The following ATL3 variants were observed in gnomAD, a reference collection of about 807,000 sequenced individuals.
ATL3 encodes atlastin GTPase 3, also known as atlastin-3.
ATL3 carries 49 observed loss-of-function variants against 69.5 expected under a neutral mutation model. The ratio of observed to expected loss-of-function variants is 0.71; its 90% CI spans 0.56 to 0.89. The LOEUF (loss-of-function observed/expected upper bound fraction) is 0.89. ATL3 is among the 40% of genes least tolerant of loss of function. The pLI is 0.00. For missense variants in ATL3, 606 were observed against 645.7 expected, an observed-to-expected ratio of 0.94 and a Z score of 0.67; for synonymous variants, 214 against 224.1, an observed-to-expected ratio of 0.95 and a Z score of 0.40.
At chr11:63,642,178 C>T (rs993731251) in intron 8 of ATL3, among the ~76,000 whole-genome samples, 3 of 152,164 alleles carry the variant, frequency 2.0e-5, no homozygotes, top group African/African-American at 7.2e-5. Context: ...GCTTGCCAAG[C>T]GGATTTCTCT....
intron 8 of ATL3, among the ~76,000 whole-genome samples, chr11:63,640,665 C>T (rs1038006282): frequency 1.5e-5 from 2 of 131,532 alleles, no homozygotes; most frequent in Non-Finnish European, 3.0e-5. Context: ...AGTGCAATGG[C>T]GCAATCTCGG....
intron 10 of ATL3, 128 bp downstream of exon 10, chr11:63,635,406 A>T: frequency 1.3e-6 from 1 of 797,524 alleles, no homozygotes; most frequent in African/African-American, 1.7e-5. Context: ...CTAAAAAAAA[A>T]TTAACAGACC....
intron 3 of ATL3, among the ~76,000 whole-genome samples, chr11:63,657,857 CTTT>C (rs1174775895): frequency 4.4e-5 from 6 of 136,502 alleles, no homozygotes; most frequent in African/African-American, 1.3e-4. Context: ...ATGCCATTGG[CTTT>C]TTTTTTTTTT....
chr11:63,657,610 C>T (rs1414978952), intron 3 of ATL3, among the ~76,000 whole-genome samples: 1 of 152,204 alleles, frequency 6.6e-6, no homozygotes, highest in Non-Finnish European at 1.5e-5. Flanking sequence ...ATGACAGCTG[C>T]TTTCTGTTAG....
chr11:63,637,230 C>T (rs775919438), intron 8 of ATL3, among the ~76,000 whole-genome samples: 19 of 151,126 alleles, frequency 1.3e-4, no homozygotes, highest in Non-Finnish European at 2.4e-4. Context: ...GAGCCGAGAT[C>T]GCACCACTGC....
At chr11:63,656,689 G>A (rs1279346184) in intron 3 of ATL3, among the ~76,000 whole-genome samples, 3 of 146,746 alleles carry the variant, frequency 2.0e-5, no homozygotes, top group East Asian at 4.1e-4. Context: ...AGCCGAGATC[G>A]CACCACTGCA....
chr11:63,671,580 C>A (rs2134556755), upstream of ATL3: 1 of 1,422,168 alleles, frequency 7.0e-7, no homozygotes, highest in Non-Finnish European at 9.2e-7. Flanking sequence ...GGAAAGCGCA[C>A]GCGGCAGAAT....
At position 63,629,224 on chromosome 11, in the gene ATL3, C is replaced by A; in HGVS notation, c.*95G>T. The A allele has an allele frequency of 1.0e-6, 1 of 959,758 alleles. No individual in the cohort carries two copies. Among genetic ancestry groups the A allele is most frequent in the East Asian group, 2.4e-5 (1 of 40,974 alleles). The allele number at this position is 959,758 out of a possible 1,614,324, so 59.5% of individuals were successfully genotyped here. ...TAGCTCTTCCTGGATCGTCTCAGAT[C>A]TGCCATTCCTCTGGATATGAACCTG... On this transcript the variant is annotated 3_prime_UTR_variant, in exon 13 of 13. Coordinates refer to ENST00000398868, the MANE Select transcript of ATL3 (RefSeq NM_015459.5).
At chr11:63,671,182 C>A in intron 1 of ATL3, 108 bp downstream of exon 1, 3 of 1,445,374 alleles carry the variant, frequency 2.1e-6, no homozygotes. Flanking sequence ...CGGTCCCAGC[C>A]CCGGGACGAG....
Position 63,659,239 on chromosome 11 carries a change from C to G in ATL3, c.60G>C (p.Glu20Asp). 1 of 1,614,018 alleles carries G rather than the reference C, an allele frequency of 6.2e-7. No individual in the cohort carries two copies. ...AASRGADDAM[E>D]SSKPGPVQVV... ...CCTGCACTGGACCAGGCTTGCTGCT[C>G]TCCATGGCATCATCTATGTTCATGC... is the stretch of plus-strand genomic sequence containing the variant. Residue 20 changes from glutamate (E) to aspartate (D), a missense_variant, in exon 2 of 13, where the codon GAG (glutamate) becomes GAC (aspartate). Coordinates refer to ENST00000398868, the MANE Select transcript of ATL3 (RefSeq NM_015459.5).
At chr11:63,658,015 C>T (rs957134013) in intron 3 of ATL3, among the ~76,000 whole-genome samples, 2 of 152,086 alleles carry the variant, frequency 1.3e-5, no homozygotes, top group Non-Finnish European at 1.5e-5. Flanking sequence ...CACCACCACA[C>T]CCAGCTAATT....
At chr11:63,635,638 T>C (rs370251222) in intron 9 of ATL3, 48 bp from the exon 10 acceptor site, 7 of 1,390,916 alleles carry the variant, frequency 5.0e-6, no homozygotes, top group African/African-American at 1.5e-5. Context: ...TTCAGTCATA[T>C]CTTACTCATA....
At position 63,628,140 on chromosome 11, in the gene ATL3, C is replaced by G. The variant is rs1388463789; in HGVS notation, c.*1179G>C. 6.6e-6 allele frequency: 1 copy of G among 152,190 alleles called. No individual in the cohort carries two copies. Among genetic ancestry groups the G allele is most frequent in the Non-Finnish European group, 1.5e-5 (1 of 68,034 alleles). 9.4% of individuals were successfully genotyped at this position (152,190 alleles called of 1,614,324 possible). ...ACAAGAGTTGTGTAAAACATACATA[C>G]ATATGTAAACCTACAGTGAACCTGA... On this transcript the variant is annotated 3_prime_UTR_variant, in exon 13 of 13. Coordinates refer to ENST00000398868, the MANE Select transcript of ATL3 (RefSeq NM_015459.5).
chr11:63,662,111 G>A (rs1009681538), intron 1 of ATL3, among the ~76,000 whole-genome samples: 2 of 151,620 alleles, frequency 1.3e-5, no homozygotes, highest in African/African-American at 4.9e-5. Flanking sequence ...TACTCCAGAG[G>A]CTGAGGCAGG....
chr11:63,632,125 T>C, intron 11 of ATL3: 1 of 369,308 alleles, frequency 2.7e-6, no homozygotes, highest in Middle Eastern at 3.8e-4. Flanking sequence ...GAGACATGCT[T>C]TAATTTTTTT....
chr11:63,631,055 T>A lies in ATL3; in HGVS notation c.1524A>T (p.Ala508=). Residue 508 remains alanine, a synonymous_variant, in exon 12 of 13, where the codon GCA becomes GCT. Transcript: ENST00000398868. ...ELGGAIDFGA[A]YVLEQASSHI... ...CACCACTTACCTGCTCCAACACATATGCGGCACCAAAATCAATAGCTCCGC... is the reference window on the plus strand; with the variant it reads ...CACCACTTACCTGCTCCAACACATAAGCGGCACCAAAATCAATAGCTCCGC... 1.2e-6 allele frequency: 2 copies of A among 1,611,944 alleles called. No individual in the cohort carries two copies. The highest frequency in any genetic ancestry group is 1.7e-6 in the Non-Finnish European group (2 of 1,178,858).
At chr11:63,648,991 C>A (rs1485924437) in intron 5 of ATL3, among the ~76,000 whole-genome samples, 1 of 151,786 alleles carries the variant, frequency 6.6e-6, no homozygotes, top group Admixed American at 6.6e-5. Flanking sequence ...TGTGGTGGCA[C>A]GCACCTGCAG....
intron 5 of ATL3, among the ~76,000 whole-genome samples, chr11:63,647,830 T>C (rs539713915): frequency 7.2e-5 from 11 of 152,326 alleles, no homozygotes; most frequent in Admixed American, 2.6e-4. Context: ...ACATTCTGGA[T>C]GGAAAATAGA....
At chr11:63,653,305 A>G (rs1053716601) in intron 3 of ATL3, among the ~76,000 whole-genome samples, 37 of 152,256 alleles carry the variant, frequency 2.4e-4, no homozygotes, top group African/African-American at 7.5e-4. Flanking sequence ...CGTCTCTACT[A>G]AAAATACAAA....
Sources: allele counts gnomAD v4.1 joint callset (sites outside exome capture counted in the v4.1 genomes callset), GRCh38; gene constraint gnomAD v4.1.1; transcripts MANE v1.5; gene names NCBI Gene and HGNC (gene_info 2026-07-23, HGNC 2026-07-21).